CBLN2: variants seen among roughly 807,000 people sequenced by gnomAD.
CBLN2 encodes the protein cerebellin-2.
Under a neutral mutation model 15.0 loss-of-function variants are expected in CBLN2, and 7 were observed. That is an observed-to-expected ratio of 0.47 (90% CI 0.27 to 0.88). The LOEUF is 0.88. CBLN2 is among the 40% of genes least tolerant of loss of function. CBLN2 has a pLI of 0.14. For missense variants in CBLN2, 242 were observed against 304.5 expected (o/e 0.79, Z 1.53); for synonymous variants, 149 against 135.2 (o/e 1.10, Z -0.71).
chr18:72,602,948 T>G (rs1225557589), intron 1 of CBLN2, among the ~76,000 whole-genome samples: 4 of 152,220 alleles, frequency 2.6e-5, no homozygotes, highest in Non-Finnish European at 5.9e-5. Context: ...TTTTGTTTTC[T>G]CCTTCCATGG....
chr18:72,638,230 A>T lies in CBLN2; in HGVS notation c.15+95T>A. On this transcript the variant is annotated intron_variant, in intron 1 of 2. Transcript: ENST00000581073. Reference sequence around the variant, plus strand: ...TACATTTAGTCCTTAATTATTTATCACATCTCCTTGTTGTTCATTCCACAG... The same window carrying T: ...TACATTTAGTCCTTAATTATTTATCTCATCTCCTTGTTGTTCATTCCACAG... The T allele has an allele frequency of 1.5e-5, 6 of 398,272 alleles. No individual in the cohort carries two copies. In the East Asian group the frequency reaches 2.1e-4, roughly 14 times the overall value. 24.7% of individuals were successfully genotyped at this position (398,272 alleles called of 1,614,324 possible).
intron 1 of CBLN2, among the ~76,000 whole-genome samples, chr18:72,559,786 T>C (rs17086172): frequency 0.063 from 9,592 of 152,260 alleles, 302 homozygotes; most frequent in East Asian, 0.095. Context: ...GCGCTTCATA[T>C]AGCATTGGAG....
chr18:72,578,225 C>G (rs907300251), intron 1 of CBLN2, among the ~76,000 whole-genome samples: 4 of 152,144 alleles, frequency 2.6e-5, no homozygotes, highest in Non-Finnish European at 5.9e-5. Flanking sequence ...AGTTTTCATA[C>G]AAGTGTTACC....
chr18:72,610,557 T>C (rs1250578570), intron 1 of CBLN2, among the ~76,000 whole-genome samples: 1 of 152,180 alleles, frequency 6.6e-6, no homozygotes, highest in African/African-American at 2.4e-5. Flanking sequence ...GGACTCTGTA[T>C]ATCCTGTCTA....
At chr18:72,619,358 T>C (rs1434801442) in intron 1 of CBLN2, 1 of 518,748 alleles carries the variant, frequency 1.9e-6, no homozygotes, top group Non-Finnish European at 3.7e-6. Context: ...AAGCCATGTT[T>C]TTGACAAATA....
chr18:72,634,289 C>G (rs1413840572), intron 1 of CBLN2, among the ~76,000 whole-genome samples: 1 of 151,988 alleles, frequency 6.6e-6, no homozygotes, highest in Non-Finnish European at 1.5e-5. Context: ...GCCTATGAAT[C>G]TACCCAAATA....
chr18:72,573,543 A>G (rs1055679047), intron 1 of CBLN2, among the ~76,000 whole-genome samples: 3 of 152,298 alleles, frequency 2.0e-5, no homozygotes, highest in East Asian at 1.9e-4. Context: ...TATGTATGTA[A>G]CAGTATGTAA....
intron 1 of CBLN2, among the ~76,000 whole-genome samples, chr18:72,567,236 T>A (rs1386437846): frequency 6.6e-6 from 1 of 152,224 alleles, no homozygotes; most frequent in Non-Finnish European, 1.5e-5. Flanking sequence ...TGTATGATTA[T>A]CACATGTCAA....
intron 1 of CBLN2, among the ~76,000 whole-genome samples, chr18:72,636,710 A>G (rs375796088): frequency 1.3e-5 from 2 of 152,204 alleles, no homozygotes; most frequent in East Asian, 3.8e-4. Flanking sequence ...ACAATAAAAC[A>G]TTTAGAAGAA....
At chr18:72,544,399 A>C (rs1231620906), upstream of CBLN2, 1 of 152,148 alleles carries the variant, frequency 6.6e-6, no homozygotes, top group African/African-American at 2.4e-5. Context: ...GCGCTCGCTC[A>C]AAGGACCCGG....
chr18:72,561,615 G>T lies in CBLN2; in HGVS notation c.16-22843C>A, dbSNP rs2069262110. Among the ~76,000 whole-genome samples, 4 of 152,130 alleles carry T rather than the reference G, an allele frequency of 2.6e-5. No homozygotes were observed. The South Asian group carries it at 8.3e-4, about 32-fold the overall frequency. ...ATTAACTTGCACCAGGAGTAATTTT[G>T]CAATTGGCAAGCTTCAGAAAGCAGC... is the stretch of plus-strand genomic sequence containing the variant. On this transcript the variant is annotated intron_variant, in intron 1 of 2. Coordinates refer to the CBLN2 transcript ENST00000581073.
chr18:72,572,493 C>G (rs950192726), intron 1 of CBLN2, among the ~76,000 whole-genome samples: 1 of 152,132 alleles, frequency 6.6e-6, no homozygotes, highest in Non-Finnish European at 1.5e-5. Flanking sequence ...TAAAAGTTTT[C>G]AAATGTCCAT....
intron 1 of CBLN2, among the ~76,000 whole-genome samples, chr18:72,630,002 G>T (rs965938739): frequency 2.6e-5 from 4 of 152,096 alleles, no homozygotes; most frequent in African/African-American, 4.8e-5. Flanking sequence ...CAGCTAAATT[G>T]TTATTGCTTA....
At chr18:72,541,014 C>T (rs1053285378) in intron 3 of CBLN2, among the ~76,000 whole-genome samples, 10 of 152,178 alleles carry the variant, frequency 6.6e-5, no homozygotes, top group Non-Finnish European at 1.3e-4. Flanking sequence ...AGGTCATAGC[C>T]TTTAACCCTG....
chr18:72,547,149 AT>A, upstream of CBLN2, among the ~76,000 whole-genome samples: 1 of 147,086 alleles, frequency 6.8e-6, no homozygotes, highest in Non-Finnish European at 1.5e-5. Flanking sequence ...CACACACACA[AT>A]TGGAATACTA....
intron 1 of CBLN2, among the ~76,000 whole-genome samples, chr18:72,621,039 T>G (rs2144966697): frequency 6.6e-6 from 1 of 152,330 alleles, no homozygotes; most frequent in Middle Eastern, 3.4e-3. Flanking sequence ...AATATAAATA[T>G]CTCAGAAACT....
In CBLN2 at chr18:72,599,425, C is replaced by T. The variant is rs186693715; in HGVS notation, c.15+38900G>A. 8.4e-3 allele frequency among the ~76,000 whole-genome samples: 1,273 copies of T among 152,208 alleles called. 9 individuals carry two copies. Among genetic ancestry groups the T allele is most frequent in the Middle Eastern group, 0.02 (6 of 294 alleles). On this transcript the variant is annotated intron_variant, in intron 1 of 2. Transcript: ENST00000581073. ...ACTAATGCAAAGGACTCTAGGATAA[C>T]TTAAAACATGAAAATAAATGTGTAT...
At position 72,573,640 on chromosome 18, in the gene CBLN2, C is replaced by G. The variant is rs1002367551; in HGVS notation, c.16-34868G>C. On this transcript the variant is annotated intron_variant, in intron 1 of 2. Coordinates refer to the CBLN2 transcript ENST00000581073. ...GGCTTCATAGATCATTTCTTTTTAG[C>G]ACTGAATAATATTCCATTGTGTGTT... Among the ~76,000 whole-genome samples, 4 of 152,142 alleles carry G rather than the reference C, an allele frequency of 2.6e-5. No individual in the cohort carries two copies. The East Asian group carries it at 5.8e-4, about 22-fold the overall frequency.
At chr18:72,628,155 T>A (rs534514869) in intron 1 of CBLN2, among the ~76,000 whole-genome samples, 11 of 152,346 alleles carry the variant, frequency 7.2e-5, no homozygotes, top group African/African-American at 2.4e-4. Context: ...GACTCCACAC[T>A]TGGTTTAATG....
Sources: gnomAD v4.1 joint callset for allele counts (sites outside exome capture counted in the v4.1 genomes callset) on GRCh38, gnomAD v4.1.1 for gene constraint, MANE v1.5 for transcripts, NCBI Gene and HGNC (gene_info 2026-07-23, HGNC 2026-07-21) for gene names.